Variants in NBEAL1 observed in about 807,000 individuals in gnomAD.
The protein encoded by NBEAL1 is neurobeachin-like protein 1.
A neutral mutation model predicts 351.3 loss-of-function variants in NBEAL1; 273 were observed. That is an observed-to-expected ratio of 0.78 (90% CI 0.70 to 0.86). The LOEUF is 0.86. NBEAL1 is among the 40% of genes least tolerant of loss of function. The pLI is 0.00. For missense variants in NBEAL1, 2,961 were observed against 3,201.3 expected, an observed-to-expected ratio of 0.92 and a Z score of 1.81; for synonymous variants, 1,050 against 1,086.4, an observed-to-expected ratio of 0.97 and a Z score of 0.66.
chr2:203,170,021 C>T (rs1371140012), intron 39 of NBEAL1, among the ~76,000 whole-genome samples, 170 bp downstream of exon 39: 2 of 152,152 alleles, frequency 1.3e-5, no homozygotes, highest in East Asian at 3.9e-4. Flanking sequence ...CAGTGCCCTC[C>T]CTGCCACCTC....
chr2:203,026,134 T>C (rs1457409813), intron 2 of NBEAL1, among the ~76,000 whole-genome samples: 1 of 152,222 alleles, frequency 6.6e-6, no homozygotes, highest in East Asian at 1.9e-4. Flanking sequence ...TTGCTCCTCA[T>C]TTTAGCAGGA....
chr2:203,189,301 C>T (rs2065000093), intron 45 of NBEAL1, among the ~76,000 whole-genome samples: 1 of 152,120 alleles, frequency 6.6e-6, no homozygotes, highest in Non-Finnish European at 1.5e-5. Context: ...GTAGTTATTA[C>T]TCTTATTTGA....
In NBEAL1 at chr2:203,136,718, A is replaced by G. The variant is rs1398229790; in HGVS notation, c.4509A>G (p.Leu1503=). ...AACGAGGACAAGTGTTTTCAGCACT[A>G]AGTAAACCAGGAATATCCAGTGAAC... ...WIERGQVFSA[L]SKPGISSELL... The change falls in exon 29 of 56, where the codon CTA becomes CTG. Residue 1503 remains leucine (L), a synonymous_variant. Transcript: ENST00000683969. 1 of 1,613,830 alleles carries G rather than the reference A, an allele frequency of 6.2e-7. No homozygotes were observed. The highest frequency in any genetic ancestry group is 1.1e-5 in the South Asian group (1 of 91,036).
intron 2 of NBEAL1, among the ~76,000 whole-genome samples, chr2:203,036,710 CT>C (rs893833482): frequency 1.1e-4 from 17 of 149,028 alleles, no homozygotes; most frequent in Admixed American, 7.4e-4. Context: ...AATTTAAGTA[CT>C]TTTTTTTCCC....
chr2:203,114,172 C>G (rs1394619927), intron 17 of NBEAL1, among the ~76,000 whole-genome samples: 1 of 152,082 alleles, frequency 6.6e-6, no homozygotes, highest in African/African-American at 2.4e-5. Flanking sequence ...GGCCCCATCC[C>G]GATGACTTCA....
chr2:203,108,330 A>T, intron 14 of NBEAL1, 142 bp downstream of exon 14: 1 of 627,032 alleles, frequency 1.6e-6, no homozygotes, highest in South Asian at 2.5e-5. Flanking sequence ...GGCTTTATAC[A>T]GTTTAATTAT....
intron 2 of NBEAL1, among the ~76,000 whole-genome samples, chr2:203,020,740 C>T (rs548305971): frequency 6.6e-6 from 1 of 151,842 alleles, no homozygotes; most frequent in African/African-American, 2.4e-5. Context: ...AATGGTTGTC[C>T]CCACCCAGGG....
intron 17 of NBEAL1, among the ~76,000 whole-genome samples, chr2:203,113,821 CTT>C (rs34496672): frequency 1.8e-3 from 207 of 114,684 alleles, no homozygotes; most frequent in Middle Eastern, 4.5e-3. Context: ...CTGTGTCTCT[CTT>C]TTTTTTTTTT....
intron 44 of NBEAL1, among the ~76,000 whole-genome samples, chr2:203,187,436 A>T: frequency 9.4e-6 from 1 of 106,902 alleles, no homozygotes; most frequent in African/African-American, 3.6e-5. Flanking sequence ...AATTGTGCTT[A>T]CAAATCAAAT....
intron 2 of NBEAL1, among the ~76,000 whole-genome samples, chr2:203,021,351 T>C (rs1437906468): frequency 6.6e-6 from 1 of 150,740 alleles, no homozygotes; most frequent in East Asian, 2.0e-4. Context: ...CCCAACACTT[T>C]GGGAGGCTGA....
At chr2:203,176,158 T>C (rs1039156582) in intron 42 of NBEAL1, among the ~76,000 whole-genome samples, 1 of 150,434 alleles carries the variant, frequency 6.6e-6, no homozygotes, top group African/African-American at 2.4e-5. Flanking sequence ...GATCCAGTTA[T>C]ACTTTATTGC....
At chr2:203,019,102 G>A (rs1302080261) in intron 2 of NBEAL1, among the ~76,000 whole-genome samples, 1 of 152,088 alleles carries the variant, frequency 6.6e-6, no homozygotes, top group Admixed American at 6.6e-5. Flanking sequence ...GTTTTCTACA[G>A]TTTGAACGTT....
rs2062586439 is a variant in NBEAL1 at position 203,112,095 on chromosome 2, T to G, written c.2199T>G (p.Asn733Lys). The stretch of plus-strand genomic sequence containing the variant: ...CCCCTCTCAGATTTCCTGCCATGAA[T>G]GAAGTAAGTATATCCAACCTACTCT... ...VSAPLRFPAM[N>K]EPFTSCCIGS... Residue 733 changes from asparagine (N) to lysine (K), a missense_variant, in exon 16 of 56, where the codon AAT becomes AAG. Asn to Lys is a moderately conservative substitution (Grantham distance 94, BLOSUM62 0). Coordinates refer to ENST00000683969, the MANE Select transcript of NBEAL1 (RefSeq NM_001378026.1). 3 of 1,551,640 alleles carry G rather than the reference T, an allele frequency of 1.9e-6. No individual in the cohort carries two copies. The East Asian group carries it at 7.3e-5, about 38-fold the overall frequency.
At chr2:203,199,210 G>A (rs922762100) in intron 48 of NBEAL1, 128 bp from the exon 49 acceptor site, 1 of 543,826 alleles carries the variant, frequency 1.8e-6, no homozygotes, top group African/African-American at 1.9e-5. Flanking sequence ...ATGAGTTTCA[G>A]GTTTGAAGTA....
intron 40 of NBEAL1, 115 bp from the exon 41 acceptor site, chr2:203,172,614 A>G: frequency 1.1e-6 from 1 of 898,124 alleles, no homozygotes; most frequent in Non-Finnish European, 1.6e-6. Flanking sequence ...CAACAGGGAA[A>G]AAATATTTTT....
rs191921135 is a variant in NBEAL1, at chr2:203,147,912, T to C, written c.5305-1079T>C. On this transcript the variant is annotated intron_variant, in intron 33 of 55. Coordinates refer to ENST00000683969, the MANE Select transcript of NBEAL1 (RefSeq NM_001378026.1). Reference sequence around the variant, plus strand: ...TACCAGTTTGTATTCTCATCAACACTTTCCCCTTAACTTTACCTTTAGGTT... The same window carrying C: ...TACCAGTTTGTATTCTCATCAACACCTTCCCCTTAACTTTACCTTTAGGTT... 2.8e-4 allele frequency among the ~76,000 whole-genome samples: 43 copies of C among 152,160 alleles called. No homozygotes were observed. The East Asian group carries it at 7.9e-3, about 28-fold the overall frequency.
In NBEAL1 at chr2:203,212,749, G is replaced by A. The variant is rs146750646; in HGVS notation, c.7935-769G>A. ...TTAAGGATTAGCACGGATCTGAGTA[G>A]TCAGAGGAGTCTTGATGAAGGATTA... On this transcript the variant is annotated intron_variant, in intron 54 of 55. Coordinates refer to ENST00000683969, the MANE Select transcript of NBEAL1 (RefSeq NM_001378026.1). Among the ~76,000 whole-genome samples, 20 of 152,268 alleles carry A rather than the reference G, an allele frequency of 1.3e-4. No individual in the cohort carries two copies. In the East Asian group the frequency reaches 3.7e-3, roughly 28 times the overall value.
At chr2:203,164,498 C>G (rs892654017) in intron 36 of NBEAL1, among the ~76,000 whole-genome samples, 1 of 151,840 alleles carries the variant, frequency 6.6e-6, no homozygotes, top group African/African-American at 2.4e-5. Flanking sequence ...TTGTTTTACA[C>G]TGAAGAACCA....
At chr2:203,203,990 G>A (rs541964635) in intron 51 of NBEAL1, among the ~76,000 whole-genome samples, 19 of 150,210 alleles carry the variant, frequency 1.3e-4, no homozygotes, top group Admixed American at 2.0e-4. Flanking sequence ...GTGCAGTGGC[G>A]CAAGCTTGGC....
Sources: gnomAD v4.1 joint callset for allele counts (sites outside exome capture counted in the v4.1 genomes callset) on GRCh38, gnomAD v4.1.1 for gene constraint, MANE v1.5 for transcripts, NCBI Gene and HGNC (gene_info 2026-07-23, HGNC 2026-07-21) for gene names.